Variants in LRRC4C observed in about 807,000 individuals in gnomAD.
LRRC4C encodes leucine-rich repeat-containing protein 4C.
LRRC4C carries 5 observed loss-of-function variants against 33.6 expected under a neutral mutation model. The observed-to-expected ratio is 0.15, with a 90% CI of 0.08 to 0.31. The LOEUF is 0.31. Ranked by LOEUF, LRRC4C falls within the 10% of genes least tolerant of loss-of-function variation. The pLI is 1.00. For synonymous variants in LRRC4C, 329 were observed against 302.0 expected (o/e 1.09, Z -0.93); for missense variants, 560 against 796.7 (o/e 0.70, Z 3.58).
At chr11:40,938,288 C>T (rs762718724) in intron 1 of LRRC4C, among the ~76,000 whole-genome samples, 8 of 151,970 alleles carry the variant, frequency 5.3e-5, no homozygotes, top group Non-Finnish European at 1.0e-4. Context: ...ATGAGTGCAC[C>T]GCAATGATTC....
chr11:40,310,892 T>C (rs1248416178), intron 4 of LRRC4C, among the ~76,000 whole-genome samples: 1 of 152,196 alleles, frequency 6.6e-6, no homozygotes, highest in African/African-American at 2.4e-5. Context: ...TTTGTTTTGT[T>C]TAGGGTCCAT....
chr11:41,236,150 A>C (rs1404122084), intron 1 of LRRC4C, among the ~76,000 whole-genome samples: 2 of 152,086 alleles, frequency 1.3e-5, no homozygotes, highest in Non-Finnish European at 2.9e-5. Flanking sequence ...CTTCTTCCTG[A>C]AACAGGCCAA....
intron 1 of LRRC4C, among the ~76,000 whole-genome samples, chr11:40,973,551 A>C (rs1259147887): frequency 2.6e-5 from 4 of 152,120 alleles, no homozygotes; most frequent in Non-Finnish European, 5.9e-5. Context: ...AGAGGGAGAA[A>C]AGCCACTGGA....
intron 1 of LRRC4C, among the ~76,000 whole-genome samples, chr11:41,452,610 CT>C (rs1352249669): frequency 6.6e-6 from 1 of 152,030 alleles, no homozygotes; most frequent in Non-Finnish European, 1.5e-5. Flanking sequence ...TAGAACCTGA[CT>C]TTAGAAAGAA....
chr11:40,408,352 A>G (rs1468062553), intron 3 of LRRC4C, among the ~76,000 whole-genome samples: 1 of 152,014 alleles, frequency 6.6e-6, no homozygotes, highest in Non-Finnish European at 1.5e-5. Flanking sequence ...CTGTATAAAA[A>G]CCGTTTTTTG....
chr11:40,189,313 A>G (rs1181704092), intron 5 of LRRC4C, among the ~76,000 whole-genome samples: 2 of 152,142 alleles, frequency 1.3e-5, no homozygotes, highest in African/African-American at 4.8e-5. Flanking sequence ...TTGGATTTTA[A>G]ACAACCTCGT....
At chr11:41,147,051 A>C (rs1943758124) in intron 1 of LRRC4C, among the ~76,000 whole-genome samples, 1 of 152,178 alleles carries the variant, frequency 6.6e-6, no homozygotes, top group African/African-American at 2.4e-5. Flanking sequence ...TAATTGTCCT[A>C]ATGGAAATAT....
intron 2 of LRRC4C, among the ~76,000 whole-genome samples, chr11:40,782,452 T>G (rs59738040): frequency 0.07 from 10,654 of 151,964 alleles, 441 homozygotes; most frequent in South Asian, 0.11. Context: ...ATACTTTTTT[T>G]TTTTTTCTAG....
chr11:41,398,166 C>T (rs146623032), intron 1 of LRRC4C, among the ~76,000 whole-genome samples: 1 of 151,998 alleles, frequency 6.6e-6, no homozygotes, highest in African/African-American at 2.4e-5. Flanking sequence ...ACAACAAATG[C>T]CCCACTTTCC....
At chr11:40,239,327 T>C (rs1450951847) in intron 5 of LRRC4C, among the ~76,000 whole-genome samples, 1 of 152,140 alleles carries the variant, frequency 6.6e-6, no homozygotes, top group East Asian at 1.9e-4. Flanking sequence ...ACCTATCTTC[T>C]TTTTTGATCC....
intron 2 of LRRC4C, among the ~76,000 whole-genome samples, chr11:40,741,194 A>G (rs1948141913): frequency 6.6e-6 from 1 of 152,078 alleles, no homozygotes; most frequent in African/African-American, 2.4e-5. Context: ...TAACGTATTG[A>G]TCTCAAGTAA....
At chr11:40,799,951 A>T (rs1402932585) in intron 2 of LRRC4C, among the ~76,000 whole-genome samples, 1 of 152,152 alleles carries the variant, frequency 6.6e-6, no homozygotes, top group Non-Finnish European at 1.5e-5. Context: ...TAGACAGTCT[A>T]TTTTCAGGTA....
At chr11:41,165,363 T>C (rs926815110) in intron 1 of LRRC4C, among the ~76,000 whole-genome samples, 6 of 152,146 alleles carry the variant, frequency 3.9e-5, no homozygotes, top group Non-Finnish European at 4.4e-5. Flanking sequence ...TTCAGGGATG[T>C]TGCTCTGTGA....
chr11:40,337,367 C>T (rs1287437619), intron 3 of LRRC4C, among the ~76,000 whole-genome samples: 1 of 152,080 alleles, frequency 6.6e-6, no homozygotes, highest in Admixed American at 6.6e-5. Flanking sequence ...CAGTCTAGCT[C>T]CTGCGCAGAG....
chr11:41,435,870 C>A (rs1361689873), intron 1 of LRRC4C, among the ~76,000 whole-genome samples: 1 of 152,140 alleles, frequency 6.6e-6, no homozygotes, highest in Non-Finnish European at 1.5e-5. Flanking sequence ...TTGAATTCTT[C>A]AAATAATAAT....
At chr11:41,343,362 A>C (rs1370346653) in intron 1 of LRRC4C, among the ~76,000 whole-genome samples, 3 of 148,820 alleles carry the variant, frequency 2.0e-5, no homozygotes, top group Non-Finnish European at 3.0e-5. Flanking sequence ...GGGATGATTA[A>C]AGAGAAAACA....
chr11:41,082,427 CTTTTTTTTTT>C (rs537908452), intron 1 of LRRC4C, among the ~76,000 whole-genome samples: 1 of 114,926 alleles, frequency 8.7e-6, no homozygotes, highest in Non-Finnish European at 1.8e-5. Flanking sequence ...AAATCTCACG[CTTTTTTTTTT>C]TTTTTTTTTT....
chr11:41,233,941 G>A (rs1419566044), intron 1 of LRRC4C, among the ~76,000 whole-genome samples: 4 of 151,316 alleles, frequency 2.6e-5, no homozygotes, highest in Middle Eastern at 3.2e-3. Flanking sequence ...TGCACCACTT[G>A]GTGGGATCAT....
At chr11:40,320,561 C>T (rs1209326014) in intron 3 of LRRC4C, among the ~76,000 whole-genome samples, 3 of 151,978 alleles carry the variant, frequency 2.0e-5, no homozygotes, top group Non-Finnish European at 4.4e-5. Flanking sequence ...TTACATATTC[C>T]TCAGTTTGAT....
Sources: allele counts gnomAD v4.1 joint callset (sites outside exome capture counted in the v4.1 genomes callset), GRCh38; gene constraint gnomAD v4.1.1; transcripts MANE v1.5; gene names NCBI Gene and HGNC (gene_info 2026-07-23, HGNC 2026-07-21).